Variants in MTA3 observed in about 807,000 individuals in gnomAD.
The protein encoded by MTA3 is metastasis-associated protein MTA3.
A neutral mutation model predicts 83.5 loss-of-function variants in MTA3; 34 were observed. The observed-to-expected ratio is 0.41, with a 90% CI of 0.31 to 0.54. The LOEUF (loss-of-function observed/expected upper bound fraction) is 0.54, where lower values mean the gene tolerates loss of function less well. MTA3 is among the 20% of genes least tolerant of loss of function. MTA3 has a pLI of 0.33. For synonymous variants in MTA3, 303 were observed against 252.7 expected, an observed-to-expected ratio of 1.20 and a Z score of -1.89; for missense variants, 761 against 726.4, an observed-to-expected ratio of 1.05 and a Z score of -0.55.
intron 2 of MTA3, among the ~76,000 whole-genome samples, chr2:42,550,496 A>G (rs540765376): frequency 6.6e-6 from 1 of 152,280 alleles, no homozygotes; most frequent in Admixed American, 6.5e-5. Context: ...GGTTCACCCA[A>G]TGGAGCAGCA....
At chr2:42,520,871 C>G (rs2103692695) in intron 2 of MTA3, among the ~76,000 whole-genome samples, 1 of 152,194 alleles carries the variant, frequency 6.6e-6, no homozygotes, top group Middle Eastern at 3.4e-3. Flanking sequence ...CAGCCTGGTT[C>G]CTCTTCCACC....
intron 2 of MTA3, among the ~76,000 whole-genome samples, chr2:42,501,773 T>G (rs973503687): frequency 3.3e-5 from 5 of 151,662 alleles, no homozygotes; most frequent in Non-Finnish European, 5.9e-5. Flanking sequence ...CGGTCAGGAG[T>G]TTGAGACCAG....
At chr2:42,517,924 G>C (rs1474827930) in intron 2 of MTA3, among the ~76,000 whole-genome samples, 1 of 151,032 alleles carries the variant, frequency 6.6e-6, no homozygotes, top group African/African-American at 2.4e-5. Context: ...GGTGGCTCAC[G>C]CCTGTAATCC....
At chr2:42,718,922 G>T in intron 14 of MTA3, 66 bp from the exon 15 acceptor site, 1 of 1,138,934 alleles carries the variant, frequency 8.8e-7, no homozygotes, top group Non-Finnish European at 1.3e-6. Context: ...TTATTTCTGT[G>T]GTGCATGTAG....
intron 3 of MTA3, among the ~76,000 whole-genome samples, chr2:42,604,524 T>G (rs1324451229): frequency 6.6e-6 from 1 of 152,010 alleles, no homozygotes; most frequent in Non-Finnish European, 1.5e-5. Context: ...TGCTGCTGAA[T>G]TTAGTGTTGC....
At chr2:42,570,294 G>T (rs1317928017) in intron 1 of MTA3, 143 bp from the exon 2 acceptor site, 1 of 503,066 alleles carries the variant, frequency 2.0e-6, no homozygotes, top group East Asian at 3.0e-5. Context: ...ATATATTAAG[G>T]CTGCATTATT....
At chr2:42,594,967 A>G (rs916641229) in intron 3 of MTA3, among the ~76,000 whole-genome samples, 3 of 147,546 alleles carry the variant, frequency 2.0e-5, no homozygotes, top group Non-Finnish European at 3.0e-5. Flanking sequence ...GTTAACCAGG[A>G]TGGTCTTGAT....
At chr2:42,600,888 C>T (rs1408149469) in intron 3 of MTA3, among the ~76,000 whole-genome samples, 2 of 151,792 alleles carry the variant, frequency 1.3e-5, no homozygotes, top group African/African-American at 4.8e-5. Context: ...TAGAGTTTGT[C>T]TCTGGATTTT....
At chr2:42,617,869 C>G (rs555952216) in intron 4 of MTA3, among the ~76,000 whole-genome samples, 75 of 152,138 alleles carry the variant, frequency 4.9e-4, no homozygotes, top group African/African-American at 1.6e-3. Flanking sequence ...TTATTCCCCT[C>G]CTCGCTTGAC....
At chr2:42,718,267 G>A (rs866259194) in intron 14 of MTA3, among the ~76,000 whole-genome samples, 1 of 151,866 alleles carries the variant, frequency 6.6e-6, no homozygotes, top group Non-Finnish European at 1.5e-5. Context: ...TTATTATTGA[G>A]ATGGAGTTTC....
At chr2:42,537,509 G>T (rs940484130) in intron 2 of MTA3, among the ~76,000 whole-genome samples, 1 of 151,808 alleles carries the variant, frequency 6.6e-6, no homozygotes, top group Non-Finnish European at 1.5e-5. Context: ...AGGTTGCAGT[G>T]AGCTGAGATC....
At chr2:42,495,185 G>A (rs1005008283) in exon 2 of MTA3, 1 of 152,538 alleles carries the variant, frequency 6.6e-6, no homozygotes, top group Non-Finnish European at 1.5e-5. Context: ...CCCGCTAGAG[G>A]TCGCCAAACG....
At chr2:42,698,051 G>A (rs938835303) in intron 11 of MTA3, among the ~76,000 whole-genome samples, 2 of 152,130 alleles carry the variant, frequency 1.3e-5, no homozygotes, top group African/African-American at 4.8e-5. Flanking sequence ...AATGTACTAT[G>A]TACTATACTT....
At chr2:42,525,531 T>C (rs1042810964) in intron 2 of MTA3, among the ~76,000 whole-genome samples, 3 of 147,948 alleles carry the variant, frequency 2.0e-5, no homozygotes, top group Non-Finnish European at 4.5e-5. Context: ...CCTTCCTTCC[T>C]TCCCCTTCCT....
At chr2:42,683,115 C>G (rs1021490960) in intron 9 of MTA3, among the ~76,000 whole-genome samples, 2 of 152,142 alleles carry the variant, frequency 1.3e-5, no homozygotes, top group African/African-American at 4.8e-5. Context: ...TCAGGAAGTC[C>G]TGTGTTTTTG....
chr2:42,745,806 T>A (rs1446927639), intron 16 of MTA3, among the ~76,000 whole-genome samples: 2 of 151,770 alleles, frequency 1.3e-5, no homozygotes, highest in African/African-American at 4.8e-5. Flanking sequence ...GATTTTTATG[T>A]CCTTTTGAAA....
chr2:42,605,091 C>A (rs993185121), intron 3 of MTA3, among the ~76,000 whole-genome samples: 1 of 151,044 alleles, frequency 6.6e-6, no homozygotes, highest in Non-Finnish European at 1.5e-5. Flanking sequence ...TCTCAATGAG[C>A]TGTTGGGTAC....
Position 42,753,740 on chromosome 2 carries a change from G to A in MTA3, c.*341G>A, listed in dbSNP as rs1670053178. On this transcript the variant is annotated 3_prime_UTR_variant, in exon 17 of 17. Transcript: ENST00000405094. Reference sequence around the variant, plus strand: ...CAGCAACAGCGGCCACTTGGCAGTGGGGCTGCTGCAAGCTCAGAGCCGCTG... The same window carrying A: ...CAGCAACAGCGGCCACTTGGCAGTGAGGCTGCTGCAAGCTCAGAGCCGCTG... 2 of 1,158,912 alleles carry A rather than the reference G, an allele frequency of 1.7e-6. No homozygotes were observed. Among genetic ancestry groups the A allele is most frequent in the South Asian group, 4.4e-5 (2 of 45,048 alleles). The allele number at this position is 1,158,912 out of a possible 1,614,324, so 71.8% of individuals were successfully genotyped here.
chr2:42,708,044 C>A lies in MTA3; in HGVS notation c.1292C>A (p.Pro431Gln). The change falls in exon 13 of 17, where the codon CCA (proline) becomes CAA (glutamine). Residue 431 changes from proline to glutamine, a missense_variant. Pro to Gln is a moderately conservative substitution (Grantham distance 76). Transcript: ENST00000405094. ...QSEEEKLSPSPTTEDPRVRSH... is the reference protein window; with the variant it reads ...QSEEEKLSPSQTTEDPRVRSH... ...GAAGAAGAGAAGTTATCTCCTAGCC[C>A]AACTACAGAGGTACAGTAGTCTTTT... 6.2e-7 allele frequency: 1 copy of A among 1,607,458 alleles called. No homozygotes were observed. Among genetic ancestry groups the A allele is most frequent in the African/African-American group, 1.3e-5 (1 of 74,600 alleles).
Sources: allele counts gnomAD v4.1 joint callset (sites outside exome capture counted in the v4.1 genomes callset), GRCh38; gene constraint gnomAD v4.1.1; transcripts MANE v1.5; gene names NCBI Gene and HGNC (gene_info 2026-07-23, HGNC 2026-07-21).